The following DACH2 variants were observed in gnomAD, a reference collection of about 807,000 sequenced individuals.
DACH2 encodes dachshund homolog 2.
A neutral mutation model predicts 35.8 loss-of-function variants in DACH2; 17 were observed. That is an observed-to-expected ratio of 0.48 (90% confidence interval 0.33 to 0.71). DACH2 has a LOEUF of 0.71. Ranked by LOEUF, DACH2 falls within the 30% of genes least tolerant of loss-of-function variation. The probability of loss-of-function intolerance (pLI) is 0.02; values close to 1 mark genes in which losing one functional copy is unlikely to be tolerated. For missense variants in DACH2, 469 were observed against 472.7 expected (o/e 0.99, Z 0.07); for synonymous variants, 195 against 177.3 (o/e 1.10, Z -0.79).
chrX:86,183,969 G>A (rs911130630), intron 1 of DACH2, among the ~76,000 whole-genome samples: 1 of 111,479 alleles, frequency 9.0e-6, no homozygotes, highest in Admixed American at 9.6e-5. Flanking sequence ...GCATGGAGGT[G>A]TTTATAATAG....
chrX:86,418,936 C>A (rs185727235), intron 2 of DACH2, among the ~76,000 whole-genome samples: 1 of 111,788 alleles, frequency 8.9e-6, no homozygotes, highest in Non-Finnish European at 1.9e-5. Flanking sequence ...TGCCAGATAC[C>A]CTCAAGTTCA....
At chrX:86,360,792 T>A (rs909571143) in intron 1 of DACH2, among the ~76,000 whole-genome samples, 1 of 110,729 alleles carries the variant, frequency 9.0e-6, no homozygotes, top group Non-Finnish European at 1.9e-5. Context: ...CAATGTATTT[T>A]AAAAAAACAT....
intron 1 of DACH2, among the ~76,000 whole-genome samples, chrX:86,150,202 T>C (rs983136799): frequency 4.5e-5 from 5 of 112,350 alleles, no homozygotes; most frequent in African/African-American, 1.6e-4. Flanking sequence ...TTTGGTAACA[T>C]CTCAGGAAAG....
chrX:86,699,902 C>G (rs1280554304), intron 5 of DACH2, among the ~76,000 whole-genome samples: 1 of 111,504 alleles, frequency 9.0e-6, no homozygotes, highest in African/African-American at 3.3e-5. Flanking sequence ...TATGTACTAT[C>G]TTTGGTCTCA....
rs564440984 is a variant in DACH2 at position 86,753,909 on chromosome X, C to G, written c.1240+14027C>G. The stretch of plus-strand genomic sequence containing the variant: ...GATCTCTCTACCTGTATTTGAGGCC[C>G]TTAAACTGAACCAAATATGAGCTCA... On this transcript the variant is annotated intron_variant, in intron 7 of 11. Coordinates refer to ENST00000373125, the MANE Select transcript of DACH2 (RefSeq NM_053281.3). 4.8e-4 allele frequency among the ~76,000 whole-genome samples: 50 copies of G among 104,509 alleles called. 1 individual carries two copies. In the Middle Eastern group the frequency reaches 0.015, roughly 31 times the overall value. The allele number at this position is 104,509 out of a possible 115,157, so 90.8% of individuals were successfully genotyped here.
At chrX:86,321,776 A>G (rs901095032) in intron 1 of DACH2, among the ~76,000 whole-genome samples, 1 of 112,451 alleles carries the variant, frequency 8.9e-6, no homozygotes, top group Admixed American at 9.5e-5. Context: ...CTCTGCATGT[A>G]AGATTAAACA....
intron 2 of DACH2, among the ~76,000 whole-genome samples, chrX:86,413,460 C>G (rs2036648754): frequency 9.0e-6 from 1 of 111,660 alleles, no homozygotes; most frequent in Non-Finnish European, 1.9e-5. Context: ...TCTGGTACAG[C>G]AGCTACAATT....
intron 3 of DACH2, among the ~76,000 whole-genome samples, chrX:86,625,246 GT>G (rs2040121832): frequency 1.9e-5 from 2 of 103,690 alleles, no homozygotes; most frequent in East Asian, 6.0e-4. Context: ...GTGTGTGTGT[GT>G]GTGTGTGTGT....
intron 1 of DACH2, among the ~76,000 whole-genome samples, chrX:86,254,792 A>ATATG (rs1393191858): frequency 8.9e-5 from 6 of 67,323 alleles, no homozygotes; most frequent in Non-Finnish European, 1.6e-4. Context: ...ATATATATAT[A>ATATG]TATATATATA....
chrX:86,582,371 A>G (rs1204208877), intron 3 of DACH2, among the ~76,000 whole-genome samples: 1 of 111,370 alleles, frequency 9.0e-6, no homozygotes, highest in Admixed American at 9.6e-5. Flanking sequence ...GCTGAAATGA[A>G]CAAAATTAAA....
chrX:86,607,609 T>TATC (rs900599639), intron 3 of DACH2, among the ~76,000 whole-genome samples: 3 of 110,450 alleles, frequency 2.7e-5, no homozygotes, highest in African/African-American at 9.9e-5. Context: ...TTATTATTAT[T>TATC]ATACTTTAAG....
chrX:86,178,202 T>C (rs181694141), intron 1 of DACH2, among the ~76,000 whole-genome samples: 1 of 111,597 alleles, frequency 9.0e-6, no homozygotes, highest in East Asian at 2.9e-4. Flanking sequence ...AAGCTTTTGC[T>C]CAGAACAACC....
At chrX:86,595,794 A>G (rs141215869) in intron 3 of DACH2, among the ~76,000 whole-genome samples, 13,435 of 108,393 alleles carry the variant, frequency 0.12, 1,077 homozygotes, top group East Asian at 0.38. Flanking sequence ...ATAGTTTTAC[A>G]TATATTCAAT....
chrX:86,222,019 G>T (rs918518829), intron 1 of DACH2, among the ~76,000 whole-genome samples: 7 of 111,871 alleles, frequency 6.3e-5, no homozygotes, highest in African/African-American at 9.7e-5. Flanking sequence ...TTGGATTAGA[G>T]CCACCATTCT....
At chrX:86,584,644 C>T (rs1399991846) in intron 3 of DACH2, among the ~76,000 whole-genome samples, 1 of 110,563 alleles carries the variant, frequency 9.0e-6, no homozygotes, top group African/African-American at 3.3e-5. Flanking sequence ...TTTTTTGGGT[C>T]ATTCATTAAT....
intron 7 of DACH2, among the ~76,000 whole-genome samples, chrX:86,800,128 A>G (rs1488952544): frequency 1.8e-5 from 2 of 112,474 alleles, no homozygotes; most frequent in East Asian, 5.6e-4. Flanking sequence ...CAACTGCATG[A>G]TACATTTTTT....
At chrX:86,226,326 A>G (rs1339105720) in intron 1 of DACH2, among the ~76,000 whole-genome samples, 1 of 111,880 alleles carries the variant, frequency 8.9e-6, no homozygotes, top group Non-Finnish European at 1.9e-5. Context: ...GCTTGCAGCT[A>G]TCAATGCAAA....
At chrX:86,345,050 A>T (rs1042187217) in intron 1 of DACH2, among the ~76,000 whole-genome samples, 1 of 111,954 alleles carries the variant, frequency 8.9e-6, no homozygotes, top group East Asian at 2.8e-4. Flanking sequence ...TTTTCCTTTC[A>T]TCTTAAAACA....
At chrX:86,278,529 G>C (rs2033962097) in intron 1 of DACH2, among the ~76,000 whole-genome samples, 1 of 112,297 alleles carries the variant, frequency 8.9e-6, no homozygotes. Context: ...TGATTGTAAT[G>C]GTTCCTATTT....
Sources: gnomAD v4.1 joint callset for allele counts (sites outside exome capture counted in the v4.1 genomes callset) on GRCh38, gnomAD v4.1.1 for gene constraint, MANE v1.5 for transcripts, NCBI Gene and HGNC (gene_info 2026-07-23, HGNC 2026-07-21) for gene names.